RHBDL3: variants seen among roughly 807,000 people sequenced by gnomAD.
The protein encoded by RHBDL3 is rhomboid-related protein 3.
Under a neutral mutation model 48.2 loss-of-function variants are expected in RHBDL3, and 28 were observed. The observed-to-expected ratio is 0.58, with a 90% CI of 0.43 to 0.80. RHBDL3 has a LOEUF of 0.80. Among genes scored for constraint, RHBDL3 ranks in the 30% least tolerant of loss-of-function variants. The pLI is 0.00. For missense variants in RHBDL3, 464 were observed against 542.7 expected (o/e 0.85, Z 1.44); for synonymous variants, 208 against 232.3 (o/e 0.90, Z 0.95).
rs1427085872 is a variant in RHBDL3, at chr17:32,265,993, G to A, written c.-197G>A. Among the ~76,000 whole-genome samples the A allele has an allele frequency of 1.4e-5, 2 of 146,000 alleles. No homozygotes were observed. The highest frequency in any genetic ancestry group is 3.0e-5 in the Non-Finnish European group (2 of 65,638). On this transcript the variant is annotated 5_prime_UTR_variant, in exon 1 of 9. Transcript: ENST00000269051. Reference sequence around the variant, plus strand: ...TGAAGTTTGGCGGCGGAGGGGCCGGGCGTCCCGGGGTCGCGAGGAGGCGGC... The same window carrying A: ...TGAAGTTTGGCGGCGGAGGGGCCGGACGTCCCGGGGTCGCGAGGAGGCGGC...
chr17:32,295,641 G>C (rs1330597450), intron 5 of RHBDL3, among the ~76,000 whole-genome samples: 3 of 152,190 alleles, frequency 2.0e-5, no homozygotes, highest in Non-Finnish European at 2.9e-5. Flanking sequence ...CTCAGGGTGA[G>C]GAAGGAGAAT....
At chr17:32,291,448 G>A (rs981928916) in intron 4 of RHBDL3, among the ~76,000 whole-genome samples, 1 of 152,010 alleles carries the variant, frequency 6.6e-6, no homozygotes, top group East Asian at 1.9e-4. Context: ...TTGGGAGGCC[G>A]AGGCGGGTGG....
chr17:32,313,751 C>CTTTTTTT (rs559422433), intron 7 of RHBDL3, among the ~76,000 whole-genome samples: 60 of 98,636 alleles, frequency 6.1e-4, no homozygotes, highest in Non-Finnish European at 8.8e-4. Flanking sequence ...AATTCCCTCC[C>CTTTTTTT]TTTTTTTTTT....
intron 2 of RHBDL3, among the ~76,000 whole-genome samples, chr17:32,269,337 G>A (rs918948194): frequency 2.0e-5 from 3 of 152,194 alleles, no homozygotes; most frequent in Non-Finnish European, 4.4e-5. Flanking sequence ...GACAGAGTGG[G>A]ACCCTGTCTC....
rs1223477781 is a variant in RHBDL3 at position 32,265,928 on chromosome 17, G to T, written c.-262G>T. 6.8e-6 allele frequency among the ~76,000 whole-genome samples: 1 copy of T among 146,944 alleles called. No homozygotes were observed. The highest frequency in any genetic ancestry group is 2.4e-5 in the African/African-American group (1 of 40,922). On this transcript the variant is annotated 5_prime_UTR_variant, in exon 1 of 9. Transcript: ENST00000269051. ...CCTCGCCTCGGAGCCGGGCGCGAGG[G>T]CCGGGGCGGAGGCGGAGGCCGGCGG... is the stretch of plus-strand genomic sequence containing the variant.
At chr17:32,285,303 T>C (rs2040170424) in intron 3 of RHBDL3, among the ~76,000 whole-genome samples, 1 of 152,160 alleles carries the variant, frequency 6.6e-6, no homozygotes, top group South Asian at 2.1e-4. Context: ...AAATCAATCA[T>C]TGCCCCACTC....
chr17:32,275,561 C>T (rs1303442405), intron 2 of RHBDL3, among the ~76,000 whole-genome samples: 4 of 143,530 alleles, frequency 2.8e-5, no homozygotes, highest in South Asian at 5.0e-4. Flanking sequence ...GGTGTGAGGT[C>T]GTTTCTTTCC....
chr17:32,300,364 A>G (rs2040553622), intron 6 of RHBDL3, among the ~76,000 whole-genome samples: 1 of 152,120 alleles, frequency 6.6e-6, no homozygotes. Context: ...GCTGAGCAAC[A>G]TAGGGAGACC....
At chr17:32,270,509 G>A (rs1463217346) in intron 2 of RHBDL3, among the ~76,000 whole-genome samples, 1 of 151,888 alleles carries the variant, frequency 6.6e-6, no homozygotes, top group East Asian at 1.9e-4. Context: ...GGTCCTATAT[G>A]GTCACCGTCG....
chr17:32,302,551 ATT>A (rs35980086), intron 6 of RHBDL3, among the ~76,000 whole-genome samples: 1,198 of 41,538 alleles, frequency 0.029, 19 homozygotes, highest in African/African-American at 0.096. Flanking sequence ...ATATATATAT[ATT>A]TTTTTTTAGT....
intron 2 of RHBDL3, among the ~76,000 whole-genome samples, chr17:32,270,731 G>C (rs1331030444): frequency 1.3e-5 from 2 of 152,100 alleles, no homozygotes; most frequent in African/African-American, 2.4e-5. Flanking sequence ...GGAGACCTGA[G>C]GGTCATCAGT....
At chr17:32,302,555 T>A (rs866661854) in intron 6 of RHBDL3, among the ~76,000 whole-genome samples, 5 of 150,028 alleles carry the variant, frequency 3.3e-5, no homozygotes, top group African/African-American at 7.4e-5. Flanking sequence ...ATATATATTT[T>A]TTTTTAGTAG....
chr17:32,294,371 C>T lies in RHBDL3; in HGVS notation c.597C>T (p.Asn199=). The T allele has an allele frequency of 6.2e-7, 1 of 1,614,142 alleles. No homozygotes were observed. Among genetic ancestry groups the T allele is most frequent in the Non-Finnish European group, 8.5e-7 (1 of 1,180,012 alleles). The change falls in exon 5 of 9, where the codon AAC becomes AAT. Residue 199 remains asparagine (N), a synonymous_variant. Transcript: ENST00000269051. ...TAACTCATCCACGTTACTTGAAGAACTCCCTGGTTTACCACCCACAGCTGC... is the reference window on the plus strand; with the variant it reads ...TAACTCATCCACGTTACTTGAAGAATTCCCTGGTTTACCACCCACAGCTGC... ...LQVTHPRYLK[N]SLVYHPQLRA... is the part of the protein sequence containing the mutation.
intron 6 of RHBDL3, among the ~76,000 whole-genome samples, chr17:32,300,894 A>C (rs1158149374): frequency 1.4e-5 from 2 of 140,260 alleles, no homozygotes; most frequent in African/African-American, 2.8e-5. Flanking sequence ...TTTTTTTTTG[A>C]TTTTGAGACG....
chr17:32,266,430 C>T (rs150865318), intron 1 of RHBDL3, 130 bp downstream of exon 1: 1 of 455,574 alleles, frequency 2.2e-6, no homozygotes. Context: ...TTGGCCGGGT[C>T]CCCGCGGGCA....
chr17:32,304,922 A>G (rs1178341743), intron 6 of RHBDL3, among the ~76,000 whole-genome samples: 1 of 152,114 alleles, frequency 6.6e-6, no homozygotes, highest in Non-Finnish European at 1.5e-5. Context: ...ATTTGAGACC[A>G]GCCTGGGCAA....
intron 8 of RHBDL3, among the ~76,000 whole-genome samples, chr17:32,319,421 CAAAAA>C (rs541383037): frequency 5.0e-4 from 40 of 79,832 alleles, no homozygotes; most frequent in African/African-American, 1.7e-3. Flanking sequence ...GATTCCGTCT[CAAAAA>C]AAAAAAAAAA....
Position 32,321,124 on chromosome 17 carries a change from G to A in RHBDL3, c.1110G>A (p.Leu370=), listed in dbSNP as rs751496342. ...AGCAGAGGCTCCAGGACCAGTCACT[G>A]TGGTGGATTTTTGTGGCCATGTACA... is the stretch of plus-strand genomic sequence containing the variant. ...NYEQRLQDQS[L]WWIFVAMYTV... is the part of the protein sequence containing the mutation. Residue 370 remains leucine, a synonymous_variant, in exon 9 of 9, where the codon CTG becomes CTA. Transcript: ENST00000269051. 9.9e-6 allele frequency: 16 copies of A among 1,614,142 alleles called. No homozygotes were observed. Among genetic ancestry groups the A allele is most frequent in the Non-Finnish European group, 1.4e-5 (16 of 1,180,050 alleles).
At chr17:32,290,250 C>T (rs866805838) in intron 4 of RHBDL3, among the ~76,000 whole-genome samples, 6 of 152,156 alleles carry the variant, frequency 3.9e-5, no homozygotes, top group African/African-American at 9.7e-5. Context: ...AAGTGTGTGC[C>T]GGGCAGGGGG....
Sources: allele counts gnomAD v4.1 joint callset (sites outside exome capture counted in the v4.1 genomes callset), GRCh38; gene constraint gnomAD v4.1.1; transcripts MANE v1.5; gene names NCBI Gene and HGNC (gene_info 2026-07-23, HGNC 2026-07-21).